ARHGEF7: variants seen among roughly 807,000 people sequenced by gnomAD.
ARHGEF7 encodes PAK-interacting exchange factor beta.
ARHGEF7 carries 33 observed loss-of-function variants against 109.8 expected under a neutral mutation model. That is an observed-to-expected ratio of 0.30 (90% CI 0.23 to 0.40). ARHGEF7 has a LOEUF of 0.40. Among genes scored for constraint, ARHGEF7 ranks in the 10% least tolerant of loss-of-function variants. The pLI is 1.00. For missense variants in ARHGEF7, 938 were observed against 1,098.5 expected (o/e 0.85, Z 2.07); for synonymous variants, 458 against 424.6 (o/e 1.08, Z -0.97).
At chr13:111,284,838 G>C (rs1490119379) in intron 16 of ARHGEF7, among the ~76,000 whole-genome samples, 1 of 152,212 alleles carries the variant, frequency 6.6e-6, no homozygotes, top group African/African-American at 2.4e-5. Context: ...TGTGCTGTGT[G>C]CTCTGTGACC....
At chr13:111,205,998 C>G (rs1032056851) in intron 3 of ARHGEF7, among the ~76,000 whole-genome samples, 1 of 152,084 alleles carries the variant, frequency 6.6e-6, no homozygotes, top group Non-Finnish European at 1.5e-5. Flanking sequence ...GCCAAGGTCC[C>G]CGGAGGAAAT....
At chr13:111,261,456 A>C (rs1310315784) in intron 8 of ARHGEF7, among the ~76,000 whole-genome samples, 1 of 152,212 alleles carries the variant, frequency 6.6e-6, no homozygotes, top group Non-Finnish European at 1.5e-5. Flanking sequence ...GCACCCAGAT[A>C]ATATAAAGCA....
At chr13:111,294,249 G>A (rs997804375) in intron 19 of ARHGEF7, 7 of 985,196 alleles carry the variant, frequency 7.1e-6, no homozygotes, top group African/African-American at 3.5e-5. Context: ...TATTACATAC[G>A]GTAGTCCTCT....
chr13:111,232,003 CAG>C (rs1444712876), intron 5 of ARHGEF7, among the ~76,000 whole-genome samples: 2 of 152,106 alleles, frequency 1.3e-5, no homozygotes. Flanking sequence ...CAGTGGTAAA[CAG>C]AATCCGTAGA....
chr13:111,228,869 A>G lies in ARHGEF7; in HGVS notation c.671-4336A>G, dbSNP rs1352759982. 6.6e-6 allele frequency among the ~76,000 whole-genome samples: 1 copy of G among 152,082 alleles called. No homozygotes were observed. The highest frequency in any genetic ancestry group is 2.4e-5 in the African/African-American group (1 of 41,412). On this transcript the variant is annotated intron_variant, in intron 5 of 21. Transcript: ENST00000646102. The surrounding 1 kb of genome is among the most constrained non-coding windows in gnomAD (Gnocchi z 4.6). ...CATGTCTGCTCTGGTGGTTGAAGCCAGCGGTGATGATTAACTCTGGACTTT... is the reference window on the plus strand; with the variant it reads ...CATGTCTGCTCTGGTGGTTGAAGCCGGCGGTGATGATTAACTCTGGACTTT...
chr13:111,222,190 T>TA (rs2084528324), intron 5 of ARHGEF7, among the ~76,000 whole-genome samples: 1 of 152,190 alleles, frequency 6.6e-6, no homozygotes, highest in Non-Finnish European at 1.5e-5. Flanking sequence ...CACTGAGTAT[T>TA]AACCATCACA....
At chr13:111,274,105 C>T (rs897763161) in intron 10 of ARHGEF7, among the ~76,000 whole-genome samples, 153 bp downstream of exon 10, 2 of 152,172 alleles carry the variant, frequency 1.3e-5, no homozygotes, top group African/African-American at 4.8e-5. Context: ...TGTTTTTCTC[C>T]TTATTCCAGC....
chr13:111,265,202 T>C (rs761523930), intron 8 of ARHGEF7, among the ~76,000 whole-genome samples: 90 of 146,398 alleles, frequency 6.1e-4, no homozygotes, highest in Non-Finnish European at 1.2e-3. Flanking sequence ...CGGTGGGTGG[T>C]GGGATTTGGC....
At chr13:111,275,945 G>A (rs971276255) in intron 12 of ARHGEF7, 8 of 434,402 alleles carry the variant, frequency 1.8e-5, no homozygotes, top group Non-Finnish European at 2.6e-5. Flanking sequence ...TAGATAGTGT[G>A]CAGAAAGACT....
chr13:111,275,691 A>C lies in ARHGEF7; in HGVS notation c.1419+13A>C. ...TGCCGGAAGTGAGGTACTGCTGCCCACATGCACGCACCAGGGTTTCTGTCC... is the reference window on the plus strand; with the variant it reads ...TGCCGGAAGTGAGGTACTGCTGCCCCCATGCACGCACCAGGGTTTCTGTCC... On this transcript the variant is annotated intron_variant, in intron 12 of 21. Transcript: ENST00000646102. The C allele has an allele frequency of 1.9e-6, 3 of 1,613,998 alleles. No homozygotes were observed. The highest frequency in any genetic ancestry group is 2.5e-6 in the Non-Finnish European group (3 of 1,179,926).
intron 13 of ARHGEF7, 134 bp from the exon 14 acceptor site, chr13:111,280,138 A>T: frequency 1.2e-6 from 1 of 864,726 alleles, no homozygotes; most frequent in Non-Finnish European, 1.8e-6. Flanking sequence ...ATCTGCTACA[A>T]ATGAGCTTTT....
At chr13:111,246,468 G>A (rs993842393) in intron 8 of ARHGEF7, among the ~76,000 whole-genome samples, 1 of 151,964 alleles carries the variant, frequency 6.6e-6, no homozygotes, top group African/African-American at 2.4e-5. Context: ...TACCTTTTTG[G>A]CTGGGCTTTG....
At chr13:111,245,758 T>G (rs1346875148) in intron 8 of ARHGEF7, among the ~76,000 whole-genome samples, 1 of 152,224 alleles carries the variant, frequency 6.6e-6, no homozygotes, top group African/African-American at 2.4e-5. Context: ...ACGACTTACT[T>G]TGAACTCGAA....
At chr13:111,254,558 C>T (rs1162654038) in intron 8 of ARHGEF7, among the ~76,000 whole-genome samples, 2 of 148,938 alleles carry the variant, frequency 1.3e-5, no homozygotes, top group African/African-American at 5.0e-5. Flanking sequence ...CGGGCTAAGG[C>T]GCTGAGTCAC....
At chr13:111,204,745 G>T (rs2081578573) in intron 2 of ARHGEF7, among the ~76,000 whole-genome samples, 1 of 152,136 alleles carries the variant, frequency 6.6e-6, no homozygotes, top group Non-Finnish European at 1.5e-5. Context: ...GTGGTCTCTT[G>T]TCCCTGCCCC....
At chr13:111,221,329 G>GACAT (rs2083973073) in intron 5 of ARHGEF7, among the ~76,000 whole-genome samples, 1 of 1,640 alleles carries the variant, frequency 6.1e-4, no homozygotes, top group Non-Finnish European at 1.8e-3. Flanking sequence ...AGATATATAT[G>GACAT]TCTATATATA....
At chr13:111,207,483 A>G (rs1175295025) in intron 3 of ARHGEF7, among the ~76,000 whole-genome samples, 1 of 152,214 alleles carries the variant, frequency 6.6e-6, no homozygotes, top group East Asian at 1.9e-4. Context: ...GATGTGCCTT[A>G]TAATTAACGT....
chr13:111,163,402 C>A (rs2076893228), intron 2 of ARHGEF7, among the ~76,000 whole-genome samples: 1 of 152,132 alleles, frequency 6.6e-6, no homozygotes, highest in African/African-American at 2.4e-5. Context: ...GACAGCTAGA[C>A]TTCCCCCTTC....
At chr13:111,299,232 C>T (rs570448904) in intron 19 of ARHGEF7, among the ~76,000 whole-genome samples, 65 of 151,960 alleles carry the variant, frequency 4.3e-4, no homozygotes, top group African/African-American at 1.4e-3. Flanking sequence ...GGTGCCCTCG[C>T]GTGTCAGGAA....
Sources: allele counts gnomAD v4.1 joint callset (sites outside exome capture counted in the v4.1 genomes callset), GRCh38; gene constraint gnomAD v4.1.1; non-coding constraint Gnocchi (gnomAD v3.1); transcripts MANE v1.5; gene names NCBI Gene and HGNC (gene_info 2026-07-23, HGNC 2026-07-21).